SCRIB: variants seen among roughly 807,000 people sequenced by gnomAD.
SCRIB encodes the protein scribble planar cell polarity protein, also known as protein scribble homolog.
In SCRIB, 72 loss-of-function variants were observed where a neutral mutation model predicts 170.0. The observed-to-expected ratio is 0.42, with a 90% confidence interval of 0.35 to 0.52. SCRIB has a LOEUF of 0.52. Ranked by LOEUF, SCRIB falls within the 20% of genes least tolerant of loss-of-function variation. The pLI is 0.02. For missense variants in SCRIB, 2,475 were observed against 2,338.5 expected, an observed-to-expected ratio of 1.06 and a Z score of -1.20; for synonymous variants, 1,298 against 1,044.3, an observed-to-expected ratio of 1.24 and a Z score of -4.68.
Position 143,791,690 on chromosome 8 carries a change from A to G in SCRIB, c.4746T>C (p.Ser1582=), listed in dbSNP as rs540079348. The G allele has an allele frequency of 1.2e-6, 2 of 1,605,202 alleles. No homozygotes were observed. The highest frequency in any genetic ancestry group is 4.5e-5 in the East Asian group (2 of 44,536). Residue 1582 remains serine, a synonymous_variant, in exon 35 of 37, where the codon TCT becomes TCC. Coordinates refer to ENST00000356994, the MANE Select transcript of SCRIB (RefSeq NM_182706.5). Reference sequence around the variant, plus strand: ...CCTGGATGTCATAGACAGGTCTGGAAGAAGGCAGGGCCGCAAAGGCCCTGT... The same window carrying G: ...CCTGGATGTCATAGACAGGTCTGGAGGAAGGCAGGGCCGCAAAGGCCCTGT... ...FDYRAFAALP[S]SRPVYDIQSP...
At chr8:143,810,000 C>T (rs575328390) in intron 13 of SCRIB, among the ~76,000 whole-genome samples, 19 of 152,270 alleles carry the variant, frequency 1.2e-4, no homozygotes, top group Admixed American at 2.6e-4. Flanking sequence ...AAAATCCCAG[C>T]GTGATATGAA....
At chr8:143,796,731 CA>C (rs1814963782) in intron 24 of SCRIB, among the ~76,000 whole-genome samples, 1 of 152,204 alleles carries the variant, frequency 6.6e-6, no homozygotes. Flanking sequence ...GGACAAACAA[CA>C]AACAAGGTGC....
At chr8:143,813,552 C>A in intron 4 of SCRIB, 26 bp from the exon 5 acceptor site, 3 of 1,613,166 alleles carry the variant, frequency 1.9e-6, no homozygotes, top group Non-Finnish European at 1.7e-6. Context: ...GGCGCTGGGG[C>A]AAGAGGAAGG....
chr8:143,797,372 G>A lies in SCRIB; in HGVS notation c.3604-1842C>T, dbSNP rs117759093. ...ACACACATAAACTGGGAGAAGGGAAGGCTCGGTGGCAGGAAGCTGCCTGAT... is the reference window on the plus strand; with the variant it reads ...ACACACATAAACTGGGAGAAGGGAAAGCTCGGTGGCAGGAAGCTGCCTGAT... On this transcript the variant is annotated intron_variant, in intron 24 of 36. Coordinates refer to ENST00000356994, the MANE Select transcript of SCRIB (RefSeq NM_182706.5). 5.9e-3 allele frequency among the ~76,000 whole-genome samples: 904 copies of A among 152,374 alleles called. 7 individuals carry two copies. Among genetic ancestry groups the A allele is most frequent in the Non-Finnish European group, 7.7e-3 (527 of 68,038 alleles).
chr8:143,814,621 G>A (rs1453739702), intron 1 of SCRIB, among the ~76,000 whole-genome samples: 1 of 152,198 alleles, frequency 6.6e-6, no homozygotes, highest in Non-Finnish European at 1.5e-5. Context: ...GGCCAGAACA[G>A]GGTCACATTC....
chr8:143,809,539 G>C lies in SCRIB; in HGVS notation c.1698+12C>G. ...AGGCCCAGCCTCCTGCCTCCTTCCT[G>C]CCAATCCACACCTCCTGGTAGTCCT... On this transcript the variant is annotated intron_variant, in intron 14 of 36. Transcript: ENST00000356994. 3 of 1,602,234 alleles carry C rather than the reference G, an allele frequency of 1.9e-6. No individual in the cohort carries two copies. Among genetic ancestry groups the C allele is most frequent in the Non-Finnish European group, 2.6e-6 (3 of 1,173,544 alleles).
chr8:143,813,015 C>A lies in SCRIB; in HGVS notation c.642+15G>T. 1 of 1,606,868 alleles carries A rather than the reference C, an allele frequency of 6.2e-7. No individual in the cohort carries two copies. The highest frequency in any genetic ancestry group is 8.5e-7 in the Non-Finnish European group (1 of 1,177,610). ...GATGGGCACGAAGCAGGGGGCCAGCCCCACCCTGACTCACCGGGGGCAGTG... is the reference window on the plus strand; with the variant it reads ...GATGGGCACGAAGCAGGGGGCCAGCACCACCCTGACTCACCGGGGGCAGTG... On this transcript the variant is annotated intron_variant, in intron 7 of 36. Coordinates refer to ENST00000356994, the MANE Select transcript of SCRIB (RefSeq NM_182706.5).
chr8:143,812,397 A>G lies in SCRIB; in HGVS notation c.788-13T>C. The G allele has an allele frequency of 6.3e-7, 1 of 1,578,080 alleles. No individual in the cohort carries two copies. The highest frequency in any genetic ancestry group is 8.7e-7 in the Non-Finnish European group (1 of 1,147,528). On this transcript the variant is annotated splice_polypyrimidine_tract_variant and intron_variant, in intron 8 of 36. Coordinates refer to ENST00000356994, the MANE Select transcript of SCRIB (RefSeq NM_182706.5). ...TGCTTCAGCTGACCTGGCGTCGGGG[A>G]GACAGGGGGACAAGGCTGAGCATGG...
rs752693021 is a variant in SCRIB, at chr8:143,808,729, TTCCTCC to T, written c.1989_1994del (p.Glu665_Glu666del). On this transcript the variant is annotated inframe_deletion, in exon 15 of 37. Transcript: ENST00000356994. ...CCTCCTCCTCCTGAGGACTACCCTC[TTCCTCC>T]TCCTCCTCCTCCTTCTGGGCCCGAG... 21 of 1,595,314 alleles carry T rather than the reference TTCCTCC, an allele frequency of 1.3e-5. No homozygotes were observed. Among genetic ancestry groups the T allele is most frequent in the Middle Eastern group, 1.7e-4 (1 of 5,954 alleles).
rs1554632467 is a variant in SCRIB, at chr8:143,791,146, G to A, written c.*17C>T. ...GGCAGGGCCCCCACCCCAAGTCTGG[G>A]GGAGGTGCCTGCTCCTCTAGGAGGG... On this transcript the variant is annotated 3_prime_UTR_variant, in exon 37 of 37. Transcript: ENST00000356994. 1.4e-6 allele frequency: 2 copies of A among 1,394,740 alleles called. No homozygotes were observed. The highest frequency in any genetic ancestry group is 1.9e-6 in the Non-Finnish European group (2 of 1,073,706). 86.4% of individuals were successfully genotyped at this position (1,394,740 alleles called of 1,614,324 possible). A position where few individuals can be genotyped will look rare whatever the true frequency, so the allele number is the denominator to read the frequency against.
Position 143,792,366 on chromosome 8 carries a change from G to T in SCRIB, c.4368C>A (p.Ala1456=). The change falls in exon 32 of 37, where the codon GCC becomes GCA. Residue 1456 remains alanine (A), a synonymous_variant. Coordinates refer to ENST00000356994, the MANE Select transcript of SCRIB (RefSeq NM_182706.5). ...GTTCAGCTTTGGCCGTCCGCACCGG[G>T]GCGCCACCTCCCAGGGGTGGGGGGG... is the stretch of plus-strand genomic sequence containing the variant. ...PASPPPLGGG[A]PVRTAKAERR... The T allele has an allele frequency of 6.5e-7, 1 of 1,529,244 alleles. No homozygotes were observed. The highest frequency in any genetic ancestry group is 8.7e-7 in the Non-Finnish European group (1 of 1,143,690). 94.7% of individuals were successfully genotyped at this position (1,529,244 alleles called of 1,614,324 possible). A position where few individuals can be genotyped will look rare whatever the true frequency, so the allele number is the denominator to read the frequency against.
At chr8:143,794,091 C>T in intron 27 of SCRIB, 129 bp from the exon 28 acceptor site, 1 of 801,386 alleles carries the variant, frequency 1.2e-6, no homozygotes, top group Non-Finnish European at 2.0e-6. Flanking sequence ...GACTATAGCC[C>T]AGGGGATGCC....
chr8:143,795,184 A>G, intron 26 of SCRIB, 72 bp from the exon 27 acceptor site: 1 of 1,597,014 alleles, frequency 6.3e-7, no homozygotes, highest in South Asian at 1.1e-5. Flanking sequence ...AGGGCAGGAG[A>G]GGGGGTCCTG....
chr8:143,798,224 T>C (rs782096318), intron 24 of SCRIB, among the ~76,000 whole-genome samples: 6 of 151,936 alleles, frequency 3.9e-5, no homozygotes, highest in Non-Finnish European at 5.9e-5. Flanking sequence ...CCACTGCACT[T>C]CAGCTTGGGA....
At chr8:143,799,144 C>CT (rs1179748524) in intron 24 of SCRIB, among the ~76,000 whole-genome samples, 5 of 152,228 alleles carry the variant, frequency 3.3e-5, no homozygotes, top group Non-Finnish European at 7.3e-5. Flanking sequence ...CCAAGCATTT[C>CT]ATCTTCCTAG....
chr8:143,810,782 G>A lies in SCRIB; in HGVS notation c.1308C>T (p.Thr436=). The change falls in exon 12 of 37, where the codon ACC becomes ACT. Residue 436 remains threonine (T), a synonymous_variant. Coordinates refer to ENST00000356994, the MANE Select transcript of SCRIB (RefSeq NM_182706.5). ...DAGQQGSLSE[T]WSDAPPSRVS... is the part of the protein sequence containing the mutation. ...CGCGGCTCGGCGGGGCATCGCTCCAGGTCTCCGAGAGGCTCCCCTGCTGCC... is the reference window on the plus strand; with the variant it reads ...CGCGGCTCGGCGGGGCATCGCTCCAAGTCTCCGAGAGGCTCCCCTGCTGCC... 1.2e-6 allele frequency: 2 copies of A among 1,604,530 alleles called. No individual in the cohort carries two copies. Among genetic ancestry groups the A allele is most frequent in the East Asian group, 2.2e-5 (1 of 44,800 alleles).
In SCRIB at chr8:143,805,302, G is replaced by A. The variant is rs1815373280; in HGVS notation, c.2480C>T (p.Pro827Leu). ...VEPENAVTIT[P>L]LRPEDDYSPR... The stretch of plus-strand genomic sequence containing the variant: ...GCTGTAATCATCCTCGGGCCGCAGC[G>A]GCGTGATGGTGACCGCGTTCTCAGG... Residue 827 changes from proline (P) to leucine (L), a missense_variant, in exon 19 of 37, where the codon CCG becomes CTG. This residue lies in a region of SCRIB where 1,966 missense variants were observed against 1,742.9 expected (regional missense o/e 1.13). Coordinates refer to ENST00000356994, the MANE Select transcript of SCRIB (RefSeq NM_182706.5). 1.3e-6 allele frequency: 2 copies of A among 1,548,028 alleles called. No individual in the cohort carries two copies. Among genetic ancestry groups the A allele is most frequent in the Non-Finnish European group, 1.7e-6 (2 of 1,152,822 alleles).
intron 24 of SCRIB, among the ~76,000 whole-genome samples, chr8:143,801,973 A>G (rs1437703792): frequency 1.3e-5 from 2 of 152,228 alleles, no homozygotes; most frequent in Non-Finnish European, 2.9e-5. Context: ...GGCTGCAGAC[A>G]TGGCACTAGC....
At chr8:143,799,937 G>A (rs1288793948) in intron 24 of SCRIB, among the ~76,000 whole-genome samples, 2 of 152,056 alleles carry the variant, frequency 1.3e-5, no homozygotes, top group African/African-American at 4.8e-5. Flanking sequence ...GAACCCAGTG[G>A]GCAAACCGAT....
Sources: allele counts gnomAD v4.1 joint callset (sites outside exome capture counted in the v4.1 genomes callset), GRCh38; gene constraint gnomAD v4.1.1; regional missense constraint gnomAD v4.1.1; transcripts MANE v1.5; gene names NCBI Gene and HGNC (gene_info 2026-07-23, HGNC 2026-07-21).